TNR: variants seen among roughly 807,000 people sequenced by gnomAD.
The protein encoded by TNR is tenascin R.
Under a neutral mutation model 150.4 loss-of-function variants are expected in TNR, and 45 were observed. That is an observed-to-expected ratio of 0.30 (90% CI 0.24 to 0.38). The LOEUF is 0.38. TNR is among the 10% of genes least tolerant of loss of function. The probability of loss-of-function intolerance (pLI) is 1.00; values close to 1 mark genes in which losing one functional copy is unlikely to be tolerated. For synonymous variants in TNR, 687 were observed against 678.4 expected, an observed-to-expected ratio of 1.01 and a Z score of -0.20; for missense variants, 1,544 against 1,759.1, an observed-to-expected ratio of 0.88 and a Z score of 2.19.
rs561428805 is a variant in TNR, at chr1:175,731,307, G to A, written c.-165+11919C>T. On this transcript the variant is annotated intron_variant, in intron 1 of 22. Transcript: ENST00000367674. The stretch of plus-strand genomic sequence containing the variant: ...ATCTCAATTCTGTCACTGTTGCCCT[G>A]TGCTATCTTGGGCAAGTCACTGAAA... Among the ~76,000 whole-genome samples, 8 of 152,318 alleles carry A rather than the reference G, an allele frequency of 5.3e-5. No homozygotes were observed. In the South Asian group the frequency reaches 1.7e-3, roughly 32 times the overall value.
chr1:175,737,774 G>A (rs1298271381), intron 1 of TNR, among the ~76,000 whole-genome samples: 1 of 152,162 alleles, frequency 6.6e-6, no homozygotes, highest in Non-Finnish European at 1.5e-5. Context: ...GGGTGCCCTT[G>A]GCAGTGCCCT....
chr1:175,479,910 C>T (rs1348727256), intron 2 of TNR, among the ~76,000 whole-genome samples: 4 of 152,046 alleles, frequency 2.6e-5, no homozygotes, highest in Non-Finnish European at 4.4e-5. Flanking sequence ...CTCAAATCTC[C>T]AGGAATAGAA....
In TNR at chr1:175,363,713, GT is replaced by G; in HGVS notation, c.2701del (p.Thr901ProfsTer6). The G allele has an allele frequency of 6.2e-7, 1 of 1,613,112 alleles. No homozygotes were observed. The highest frequency in any genetic ancestry group is 8.5e-7 in the Non-Finnish European group (1 of 1,179,590). The stretch of plus-strand genomic sequence containing the variant: ...AAATCAAATCACTTTGTTACCTTGG[GT>G]GGGTCGATATGATACTCGGTAGTAA... The part of the protein sequence containing the change: ...FDYYRVSYRP[T>X]QVGRLDSSVV... On this transcript the variant is annotated frameshift_variant, in exon 13 of 23. Coordinates refer to ENST00000367674, the MANE Select transcript of TNR (RefSeq NM_003285.3). LOFTEE classifies it high-confidence loss of function.
intron 1 of TNR, among the ~76,000 whole-genome samples, chr1:175,703,039 AAAG>A (rs1666741889): frequency 6.6e-6 from 1 of 151,324 alleles, no homozygotes. Flanking sequence ...TTTTTAAATA[AAAG>A]AAGGAAGGAA....
chr1:175,605,876 C>T (rs1253736395), intron 1 of TNR, among the ~76,000 whole-genome samples: 1 of 152,188 alleles, frequency 6.6e-6, no homozygotes, highest in East Asian at 1.9e-4. Flanking sequence ...CAAAAGCAGG[C>T]TTAACCCCTT....
Position 175,416,127 on chromosome 1 carries a change from T to TACACAC in TNR, c.-63-9351_-63-9350insGTGTGT, listed in dbSNP as rs1202788295. Among the ~76,000 whole-genome samples the TACACAC allele has an allele frequency of 5.3e-5, 7 of 130,902 alleles. No individual in the cohort carries two copies. The South Asian group carries it at 7.5e-4, about 14-fold the overall frequency. 85.9% of individuals were successfully genotyped at this position (130,902 alleles called of 152,430 possible). Reference sequence around the variant, plus strand: ...AAAGCTTCTGACAATTATATATATATATACACACACACACACTATATATAT... The same window carrying TACACAC: ...AAAGCTTCTGACAATTATATATATATACACACATACACACACACACACTATATATAT... On this transcript the variant is annotated intron_variant, in intron 2 of 22. Coordinates refer to ENST00000367674, the MANE Select transcript of TNR (RefSeq NM_003285.3).
In TNR at chr1:175,426,768, A is replaced by G. The variant is rs1251421758; in HGVS notation, c.-63-19991T>C. Among the ~76,000 whole-genome samples, 8 of 146,132 alleles carry G rather than the reference A, an allele frequency of 5.5e-5. 1 individual carries two copies. Among genetic ancestry groups the G allele is most frequent in the African/African-American group, 1.5e-4 (6 of 39,944 alleles). The stretch of plus-strand genomic sequence containing the variant: ...TATATCTATACACGCGTGTGTGTGT[A>G]TAAATATATATACAGGTGTGTGTGT... On this transcript the variant is annotated intron_variant, in intron 2 of 22. Coordinates refer to ENST00000367674, the MANE Select transcript of TNR (RefSeq NM_003285.3).
chr1:175,344,217 CG>C (rs967674424), intron 18 of TNR, among the ~76,000 whole-genome samples: 1 of 152,156 alleles, frequency 6.6e-6, no homozygotes, highest in African/African-American at 2.4e-5. Context: ...AAGGGATGGC[CG>C]GTGCTTAGGG....
chr1:175,683,392 C>G (rs530851012), intron 1 of TNR, among the ~76,000 whole-genome samples: 1 of 152,288 alleles, frequency 6.6e-6, no homozygotes, highest in Non-Finnish European at 1.5e-5. Context: ...GTGACCAACC[C>G]TACAATCTCC....
At chr1:175,546,785 T>C (rs1195072182) in intron 1 of TNR, among the ~76,000 whole-genome samples, 1 of 152,016 alleles carries the variant, frequency 6.6e-6, no homozygotes, top group Middle Eastern at 3.2e-3. Flanking sequence ...TTCTTTCCAT[T>C]GTAAATAAAG....
At chr1:175,739,681 T>C (rs1667872098) in intron 1 of TNR, among the ~76,000 whole-genome samples, 1 of 152,216 alleles carries the variant, frequency 6.6e-6, no homozygotes, top group Non-Finnish European at 1.5e-5. Flanking sequence ...CATGGGTCTC[T>C]GTAAGTGGCT....
intron 2 of TNR, among the ~76,000 whole-genome samples, chr1:175,499,303 T>C (rs1026134746): frequency 2.0e-5 from 3 of 152,100 alleles, no homozygotes; most frequent in Admixed American, 6.5e-5. Context: ...TTAAAATAAT[T>C]GACATGTTTG....
At chr1:175,374,724 G>A (rs1466581939) in intron 9 of TNR, among the ~76,000 whole-genome samples, 3 of 152,208 alleles carry the variant, frequency 2.0e-5, no homozygotes, top group African/African-American at 7.2e-5. Context: ...GGTGCAGGGA[G>A]AGGCAGCAGG....
At chr1:175,331,001 CTTTCT>C (rs1649727706) in intron 20 of TNR, among the ~76,000 whole-genome samples, 1 of 25,908 alleles carries the variant, frequency 3.9e-5, no homozygotes, top group Non-Finnish European at 7.4e-5. Context: ...CTTGGTGATT[CTTTCT>C]TTCTTTCTTT....
In TNR at chr1:175,496,624, A is replaced by G. The variant is rs750352088; in HGVS notation, c.-64+31645T>C. Among the ~76,000 whole-genome samples the G allele has an allele frequency of 2.2e-4, 34 of 151,370 alleles. 1 individual carries two copies. Among genetic ancestry groups the G allele is most frequent in the Non-Finnish European group, 4.1e-4 (28 of 67,844 alleles). On this transcript the variant is annotated intron_variant, in intron 2 of 22. Coordinates refer to ENST00000367674, the MANE Select transcript of TNR (RefSeq NM_003285.3). ...GCCAAGGCATATCCACATTCATCTC[A>G]CCCCCTACAAGACCATTCTGTGAGG...
In TNR at chr1:175,590,710, TGAG is replaced by T. The variant is rs1220336045; in HGVS notation, c.-164-62344_-164-62342del. Among the ~76,000 whole-genome samples the T allele has an allele frequency of 9.9e-5, 15 of 152,064 alleles. No homozygotes were observed. In the East Asian group the frequency reaches 2.9e-3, roughly 29 times the overall value. ...GGCCAAAGGACAGCGTGGGCTAAGG[TGAG>T]GAGAACTGCAATGGCAAGATGAGTG... is the stretch of plus-strand genomic sequence containing the variant. On this transcript the variant is annotated intron_variant, in intron 1 of 22. Coordinates refer to ENST00000367674, the MANE Select transcript of TNR (RefSeq NM_003285.3).
At chr1:175,623,970 G>T (rs1402032673) in intron 1 of TNR, among the ~76,000 whole-genome samples, 1 of 152,164 alleles carries the variant, frequency 6.6e-6, no homozygotes, top group Non-Finnish European at 1.5e-5. Flanking sequence ...TTCTAAGAAT[G>T]CCCTGATGTT....
At chr1:175,427,931 T>TTCCTTCC (rs57597864) in intron 2 of TNR, among the ~76,000 whole-genome samples, 1 of 146,662 alleles carries the variant, frequency 6.8e-6, no homozygotes, top group African/African-American at 2.5e-5. Context: ...CCTTCCTTCC[T>TTCCTTCC]GTCTCCATTT....
chr1:175,355,658 G>A, intron 16 of TNR, 25 bp from the exon 17 acceptor site: 2 of 1,612,400 alleles, frequency 1.2e-6, no homozygotes, highest in Non-Finnish European at 1.7e-6. Flanking sequence ...AAGTGCCAGG[G>A]CATGCCTGCC....
Sources: allele counts gnomAD v4.1 joint callset (sites outside exome capture counted in the v4.1 genomes callset), GRCh38; gene constraint gnomAD v4.1.1; transcripts MANE v1.5; gene names NCBI Gene and HGNC (gene_info 2026-07-23, HGNC 2026-07-21).